Variants in SGCZ observed in about 807,000 individuals in gnomAD.
The protein encoded by SGCZ is sarcoglycan zeta.
SGCZ carries 40 observed loss-of-function variants against 41.3 expected under a neutral mutation model. That is an observed-to-expected ratio of 0.97 (90% confidence interval 0.75 to 1.26). The LOEUF is 1.26. Among genes scored for constraint, SGCZ ranks in the 50% most tolerant of loss-of-function variants. The pLI, the probability that SGCZ is intolerant of heterozygous loss-of-function variation, is 0.00. For synonymous variants in SGCZ, 206 were observed against 137.5 expected, an observed-to-expected ratio of 1.50 and a Z score of -3.49; for missense variants, 552 against 369.8, an observed-to-expected ratio of 1.49 and a Z score of -4.04.
chr8:14,251,206 C>A (rs1799272596), intron 3 of SGCZ, among the ~76,000 whole-genome samples: 1 of 152,000 alleles, frequency 6.6e-6, no homozygotes, highest in African/African-American at 2.4e-5. Context: ...CCAGTCTGGG[C>A]AACAGAGCGA....
At chr8:14,122,149 C>T (rs570450846) in intron 5 of SGCZ, among the ~76,000 whole-genome samples, 2 of 152,224 alleles carry the variant, frequency 1.3e-5, no homozygotes, top group South Asian at 2.1e-4. Flanking sequence ...TGGCGGCAGG[C>T]GCCTGTAGTC....
At chr8:14,314,394 T>G (rs1449400161) in intron 3 of SGCZ, among the ~76,000 whole-genome samples, 1 of 152,150 alleles carries the variant, frequency 6.6e-6, no homozygotes, top group Non-Finnish European at 1.5e-5. Context: ...TACAGATTTT[T>G]TTTCTGAATA....
chr8:15,215,305 G>A (rs781088291), intron 1 of SGCZ, among the ~76,000 whole-genome samples: 1 of 152,078 alleles, frequency 6.6e-6, no homozygotes, highest in African/African-American at 2.4e-5. Flanking sequence ...CCTCTAAAAC[G>A]TTTTTCCTAA....
chr8:14,328,625 T>C (rs1055791688), intron 2 of SGCZ, among the ~76,000 whole-genome samples: 8 of 152,212 alleles, frequency 5.3e-5, no homozygotes, highest in Non-Finnish European at 1.0e-4. Context: ...AAAACTCATG[T>C]TATTTTAAGA....
intron 1 of SGCZ, among the ~76,000 whole-genome samples, chr8:15,177,800 CT>C (rs1800044687): frequency 6.6e-6 from 1 of 152,166 alleles, no homozygotes; most frequent in African/African-American, 2.4e-5. Context: ...CTGAGACACC[CT>C]GAACCAGTAT....
intron 1 of SGCZ, among the ~76,000 whole-genome samples, chr8:14,576,994 T>C (rs933144276): frequency 6.6e-6 from 1 of 152,178 alleles, no homozygotes. Context: ...GTTATGAGGA[T>C]TTACATAATT....
intron 1 of SGCZ, among the ~76,000 whole-genome samples, chr8:14,819,228 A>C (rs1801996183): frequency 6.6e-6 from 1 of 152,184 alleles, no homozygotes; most frequent in South Asian, 2.1e-4. Flanking sequence ...CTATCAGAAG[A>C]TTGTGTAGCA....
intron 1 of SGCZ, among the ~76,000 whole-genome samples, chr8:15,188,987 T>C (rs1800440588): frequency 6.6e-6 from 1 of 151,324 alleles, no homozygotes; most frequent in South Asian, 2.1e-4. Flanking sequence ...ATTCATTAAA[T>C]ATCAAAAAAA....
At chr8:15,094,828 C>G (rs983630356) in intron 1 of SGCZ, among the ~76,000 whole-genome samples, 2 of 152,180 alleles carry the variant, frequency 1.3e-5, no homozygotes, top group African/African-American at 4.8e-5. Flanking sequence ...GACCCATTCT[C>G]TCTCCTGCCA....
intron 6 of SGCZ, among the ~76,000 whole-genome samples, chr8:14,105,736 A>G (rs1360620492): frequency 6.6e-6 from 1 of 152,142 alleles, no homozygotes; most frequent in Non-Finnish European, 1.5e-5. Context: ...AATGAAAACC[A>G]GAAACACCAT....
intron 4 of SGCZ, among the ~76,000 whole-genome samples, chr8:14,223,475 T>A (rs934280377): frequency 6.6e-6 from 1 of 152,208 alleles, no homozygotes; most frequent in Non-Finnish European, 1.5e-5. Context: ...AGTAATTCAA[T>A]TAATAGAATT....
At chr8:15,000,010 A>T (rs1364475837) in intron 1 of SGCZ, among the ~76,000 whole-genome samples, 1 of 152,158 alleles carries the variant, frequency 6.6e-6, no homozygotes, top group Non-Finnish European at 1.5e-5. Context: ...ATTTGCAGAT[A>T]AGGTATTAAA....
chr8:14,542,371 C>T (rs963289600), intron 2 of SGCZ, among the ~76,000 whole-genome samples: 4 of 152,010 alleles, frequency 2.6e-5, no homozygotes, highest in African/African-American at 9.7e-5. Flanking sequence ...AACAAAATTG[C>T]AGAATTATGG....
chr8:15,051,912 T>C (rs1214928982), intron 1 of SGCZ, among the ~76,000 whole-genome samples: 1 of 152,110 alleles, frequency 6.6e-6, no homozygotes, highest in Admixed American at 6.6e-5. Flanking sequence ...TAGCACAATT[T>C]GGGCGCGCCA....
intron 1 of SGCZ, among the ~76,000 whole-genome samples, chr8:14,668,218 CCAAAGTGCTGGGATTACAGGCGTGAG>C (rs1306160366): frequency 6.6e-6 from 1 of 152,194 alleles, no homozygotes; most frequent in African/African-American, 2.4e-5. Context: ...TCTCAGCCTC[CCAAAGTGCTGGGATTACAGGCGTGAG>C]CCACCGCCCC....
intron 2 of SGCZ, among the ~76,000 whole-genome samples, chr8:14,524,729 G>A (rs538346091): frequency 2.0e-5 from 3 of 152,008 alleles, no homozygotes; most frequent in East Asian, 1.9e-4. Flanking sequence ...GTTTTTAATC[G>A]TACTTAGTGG....
intron 1 of SGCZ, among the ~76,000 whole-genome samples, chr8:14,983,432 T>C (rs1302917687): frequency 1.3e-5 from 2 of 152,106 alleles, no homozygotes; most frequent in African/African-American, 4.8e-5. Context: ...CAGGCTGAAG[T>C]GCAGTGGTGC....
intron 1 of SGCZ, among the ~76,000 whole-genome samples, chr8:14,853,894 T>C (rs1803441387): frequency 6.6e-6 from 1 of 151,758 alleles, no homozygotes; most frequent in Non-Finnish European, 1.5e-5. Context: ...ATCCTAAGCC[T>C]TCCTTCCTCC....
intron 1 of SGCZ, among the ~76,000 whole-genome samples, chr8:14,956,343 T>C (rs544385148): frequency 2.0e-5 from 3 of 152,142 alleles, no homozygotes; most frequent in Non-Finnish European, 4.4e-5. Flanking sequence ...TGGCCTACTT[T>C]TATTTTTAAT....
Sources: gnomAD v4.1 joint callset for allele counts (sites outside exome capture counted in the v4.1 genomes callset) on GRCh38, gnomAD v4.1.1 for gene constraint, MANE v1.5 for transcripts, NCBI Gene and HGNC (gene_info 2026-07-23, HGNC 2026-07-21) for gene names.